WDFY2: variants seen among roughly 807,000 people sequenced by gnomAD.
The protein encoded by WDFY2 is WD repeat and FYVE domain containing 2, also known as WD repeat and FYVE domain-containing protein 2.
A neutral mutation model predicts 56.4 loss-of-function variants in WDFY2; 36 were observed. That is an observed-to-expected ratio of 0.64 (90% CI 0.49 to 0.84). WDFY2 has a LOEUF of 0.84. Among genes scored for constraint, WDFY2 ranks in the 40% least tolerant of loss-of-function variants. WDFY2 has a pLI of 0.00. For synonymous variants in WDFY2, 176 were observed against 183.7 expected, an observed-to-expected ratio of 0.96 and a Z score of 0.34; for missense variants, 444 against 512.2, an observed-to-expected ratio of 0.87 and a Z score of 1.29.
chr13:51,690,916 T>G (rs1387561861), intron 3 of WDFY2, among the ~76,000 whole-genome samples: 1 of 152,192 alleles, frequency 6.6e-6, no homozygotes, highest in Non-Finnish European at 1.5e-5. Flanking sequence ...TATCTCATAG[T>G]GGTTTTGATT....
chr13:51,665,691 G>C (rs1438927663), intron 2 of WDFY2, among the ~76,000 whole-genome samples: 2 of 152,154 alleles, frequency 1.3e-5, no homozygotes, highest in Non-Finnish European at 2.9e-5. Context: ...TGGGTATGGA[G>C]AATAGATCGA....
At chr13:51,642,279 T>TTTTTA in intron 1 of WDFY2, among the ~76,000 whole-genome samples, 1 of 152,186 alleles carries the variant, frequency 6.6e-6, no homozygotes, top group African/African-American at 2.4e-5. Flanking sequence ...ACCCTTGAGA[T>TTTTTA]TTTTATTTTA....
chr13:51,734,841 A>G (rs1315895449), intron 6 of WDFY2, among the ~76,000 whole-genome samples: 2 of 152,256 alleles, frequency 1.3e-5, no homozygotes, highest in Non-Finnish European at 2.9e-5. Flanking sequence ...GACCAGAAAG[A>G]TGGATTAACT....
chr13:51,732,670 A>G (rs1367033380), intron 6 of WDFY2, among the ~76,000 whole-genome samples: 1 of 152,226 alleles, frequency 6.6e-6, no homozygotes, highest in African/African-American at 2.4e-5. Flanking sequence ...AGTTCAGTGT[A>G]AAGATGCAAG....
intron 9 of WDFY2, 49 bp downstream of exon 9, chr13:51,755,508 C>T: frequency 6.4e-7 from 1 of 1,562,766 alleles, no homozygotes; most frequent in Middle Eastern, 1.7e-4. Context: ...GGAAATAGCT[C>T]AACCATGTGA....
At chr13:51,683,769 G>T (rs1159022452) in intron 3 of WDFY2, among the ~76,000 whole-genome samples, 3 of 152,176 alleles carry the variant, frequency 2.0e-5, no homozygotes, top group African/African-American at 7.2e-5. Context: ...CCCCTTGCTG[G>T]CTAGATGCTT....
rs969487958 is a variant in WDFY2 at position 51,765,154 on chromosome 13, A to C, written c.*5385A>C. On this transcript the variant is annotated 3_prime_UTR_variant, in exon 12 of 12. Transcript: ENST00000298125. Reference sequence around the variant, plus strand: ...GGAGGCAGGAACACCGTGCAGGGGCATGGCAGCGCCTGTCTTTGCTATCAC... The same window carrying C: ...GGAGGCAGGAACACCGTGCAGGGGCCTGGCAGCGCCTGTCTTTGCTATCAC... The C allele has an allele frequency of 1.3e-5, 2 of 152,262 alleles. No homozygotes were observed. The highest frequency in any genetic ancestry group is 6.5e-5 in the Admixed American group (1 of 15,282). 9.4% of individuals were successfully genotyped at this position (152,262 alleles called of 1,614,324 possible). A position where few individuals can be genotyped will look rare whatever the true frequency, so the allele number is the denominator to read the frequency against.
chr13:51,693,045 C>T (rs1371432238), intron 3 of WDFY2, among the ~76,000 whole-genome samples: 1 of 152,042 alleles, frequency 6.6e-6, no homozygotes, highest in Non-Finnish European at 1.5e-5. Context: ...GTGATATCCC[C>T]TTTATCATTT....
intron 5 of WDFY2, among the ~76,000 whole-genome samples, chr13:51,724,668 C>A (rs374258405): frequency 6.6e-6 from 1 of 152,222 alleles, no homozygotes; most frequent in Non-Finnish European, 1.5e-5. Flanking sequence ...CAGCATCCCC[C>A]GCCAGAGTGG....
chr13:51,644,599 G>T (rs1023283919), intron 1 of WDFY2, among the ~76,000 whole-genome samples: 1 of 152,166 alleles, frequency 6.6e-6, no homozygotes, highest in South Asian at 2.1e-4. Flanking sequence ...CAAATAACTG[G>T]AATGGCGGTG....
chr13:51,634,091 G>T (rs1236643319), intron 1 of WDFY2, among the ~76,000 whole-genome samples: 1 of 152,128 alleles, frequency 6.6e-6, no homozygotes, highest in African/African-American at 2.4e-5. Context: ...TTTTGCCTCA[G>T]TTCATCAGCT....
chr13:51,675,537 C>T (rs1027675568), intron 3 of WDFY2, among the ~76,000 whole-genome samples: 10 of 152,178 alleles, frequency 6.6e-5, no homozygotes, highest in African/African-American at 2.4e-4. Flanking sequence ...TGAGAGCAAG[C>T]TATGATACTA....
At chr13:51,648,675 C>A (rs976331862) in intron 1 of WDFY2, among the ~76,000 whole-genome samples, 1 of 152,148 alleles carries the variant, frequency 6.6e-6, no homozygotes, top group Non-Finnish European at 1.5e-5. Context: ...TACCATGGCA[C>A]ACTTATACCT....
intron 1 of WDFY2, among the ~76,000 whole-genome samples, chr13:51,624,619 A>T (rs565501940): frequency 6.6e-6 from 1 of 152,352 alleles, no homozygotes; most frequent in South Asian, 2.1e-4. Context: ...TGATAAGCCT[A>T]TGTTAGAAAG....
intron 3 of WDFY2, among the ~76,000 whole-genome samples, chr13:51,675,663 G>T (rs946856189): frequency 6.6e-6 from 1 of 152,152 alleles, no homozygotes; most frequent in African/African-American, 2.4e-5. Flanking sequence ...TTGATACTCT[G>T]TGTTCTTTCT....
chr13:51,593,990 T>C (rs1954099250), intron 1 of WDFY2: 1 of 152,242 alleles, frequency 6.6e-6, no homozygotes, highest in Non-Finnish European at 1.5e-5. Flanking sequence ...CCACTACTGA[T>C]CAGCAAGGGA....
At chr13:51,714,213 CA>C (rs35033926) in intron 4 of WDFY2, among the ~76,000 whole-genome samples, 638 of 134,296 alleles carry the variant, frequency 4.8e-3, no homozygotes, top group African/African-American at 7.4e-3. Flanking sequence ...TAATTCCTTT[CA>C]AAAAAAAAAA....
intron 1 of WDFY2, among the ~76,000 whole-genome samples, chr13:51,647,569 A>T (rs1208097911): frequency 1.3e-5 from 2 of 152,204 alleles, no homozygotes; most frequent in African/African-American, 4.8e-5. Context: ...AGCCTGGGAA[A>T]CACAGTGAGA....
At position 51,584,776 on chromosome 13, in the gene WDFY2, C is replaced by T; in HGVS notation, c.89C>T (p.Ala30Val). The part of the protein sequence containing the change: ...MEGSQEVVNM[A>V]VIVPKEEGVI... ...GGGTCCCAGGAGGTGGTGAATATGGCCGTGATCGTGCCCAAAGAGGAGGGC... is the reference window on the plus strand; with the variant it reads ...GGGTCCCAGGAGGTGGTGAATATGGTCGTGATCGTGCCCAAAGAGGAGGGC... The change falls in exon 1 of 12, where the codon GCC (alanine) becomes GTC (valine). Residue 30 changes from alanine (A) to valine (V), a missense_variant. Coordinates refer to ENST00000298125, the MANE Select transcript of WDFY2 (RefSeq NM_052950.4). The T allele has an allele frequency of 1.2e-6, 2 of 1,613,946 alleles. No individual in the cohort carries two copies. Among genetic ancestry groups the T allele is most frequent in the East Asian group, 2.2e-5 (1 of 44,876 alleles).
Sources: allele counts gnomAD v4.1 joint callset (sites outside exome capture counted in the v4.1 genomes callset), GRCh38; gene constraint gnomAD v4.1.1; transcripts MANE v1.5; gene names NCBI Gene and HGNC (gene_info 2026-07-23, HGNC 2026-07-21).